The following PDE1C variants were observed in gnomAD, a reference collection of about 807,000 sequenced individuals.
PDE1C encodes the protein phosphodiesterase 1C.
A neutral mutation model predicts 93.1 loss-of-function variants in PDE1C; 62 were observed. The ratio of observed to expected loss-of-function variants is 0.67; its 90% CI spans 0.54 to 0.82. The LOEUF is 0.82. Ranked by LOEUF, PDE1C falls within the 40% of genes least tolerant of loss-of-function variation. The probability of loss-of-function intolerance (pLI) is 0.00; values close to 1 mark genes in which losing one functional copy is unlikely to be tolerated. For synonymous variants in PDE1C, 325 were observed against 310.1 expected, an observed-to-expected ratio of 1.05 and a Z score of -0.50; for missense variants, 742 against 884.6, an observed-to-expected ratio of 0.84 and a Z score of 2.04.
At position 31,903,945 on chromosome 7, in the gene PDE1C, T is replaced by C. The variant is rs75163121; in HGVS notation, c.129-23085A>G. ...TGAGATAAATATGATTGAGACATGATAGGAAGTGGTCATTTCTCTCATAAA... is the reference window on the plus strand; with the variant it reads ...TGAGATAAATATGATTGAGACATGACAGGAAGTGGTCATTTCTCTCATAAA... On this transcript the variant is annotated intron_variant, in intron 2 of 17. Coordinates refer to ENST00000396191, the MANE Select transcript of PDE1C (RefSeq NM_001191057.4). Among the ~76,000 whole-genome samples, 1,187 of 152,284 alleles carry C rather than the reference T, an allele frequency of 7.8e-3. 17 individuals carry two copies. The highest frequency in any genetic ancestry group is 0.027 in the African/African-American group (1,128 of 41,574).
chr7:31,695,546 C>G, the PDE1C span: 7 of 1,613,964 alleles, frequency 4.3e-6, no homozygotes, highest in South Asian at 7.7e-5. Context: ...ACAGGCCACC[C>G]TGAATGTTGA....
At chr7:31,926,589 T>G (rs952145742) in intron 2 of PDE1C, among the ~76,000 whole-genome samples, 1 of 152,158 alleles carries the variant, frequency 6.6e-6, no homozygotes, top group Admixed American at 6.5e-5. Flanking sequence ...CTGAGGTACC[T>G]GGCTTATCTC....
At chr7:32,128,186 T>TA (rs11371374) in intron 3 of PDE1C, among the ~76,000 whole-genome samples, 53,777 of 151,432 alleles carry the variant, frequency 0.36, 9,913 homozygotes, top group South Asian at 0.41. Flanking sequence ...ATTTAGTGCC[T>TA]ATTGTATGTA....
chr7:31,880,669 G>A, intron 3 of PDE1C, 78 bp downstream of exon 3: 1 of 808,022 alleles, frequency 1.2e-6, no homozygotes, highest in Non-Finnish European at 2.1e-6. Flanking sequence ...TTCCTGGCAT[G>A]GGGGACAATT....
chr7:32,262,817 A>T (rs980836751), intron 1 of PDE1C, among the ~76,000 whole-genome samples: 10 of 152,172 alleles, frequency 6.6e-5, no homozygotes, highest in Non-Finnish European at 1.5e-4. Flanking sequence ...ATTTTTAGAA[A>T]ATTAAGGCAG....
At chr7:31,749,958 G>A (rs796169687), downstream of PDE1C, among the ~76,000 whole-genome samples, 3 of 151,952 alleles carry the variant, frequency 2.0e-5, no homozygotes, top group African/African-American at 7.2e-5. Flanking sequence ...GGCTGGTCTC[G>A]AACTCCTGAC....
the PDE1C span, among the ~76,000 whole-genome samples, chr7:31,682,215 G>A: frequency 6.6e-6 from 1 of 152,118 alleles, no homozygotes; most frequent in Non-Finnish European, 1.5e-5. Context: ...AACCACTTAA[G>A]CACCAAACAT....
At chr7:32,009,076 A>G (rs1226809674) in intron 2 of PDE1C, among the ~76,000 whole-genome samples, 3 of 152,372 alleles carry the variant, frequency 2.0e-5, no homozygotes, top group Middle Eastern at 3.4e-3. Context: ...TTATCCTCCC[A>G]TAAGAAACAA....
chr7:31,763,964 T>C (rs1794985418), intron 17 of PDE1C, among the ~76,000 whole-genome samples: 1 of 148,798 alleles, frequency 6.7e-6, no homozygotes, highest in Admixed American at 6.7e-5. Flanking sequence ...TTTGTGAAAA[T>C]ATATATATTA....
At chr7:31,676,937 C>T in the PDE1C span, among the ~76,000 whole-genome samples, 4 of 152,172 alleles carry the variant, frequency 2.6e-5, no homozygotes, top group East Asian at 1.9e-4. Flanking sequence ...GCTGCCTATG[C>T]TCCCAGCATT....
chr7:32,237,330 G>A (rs560277075), intron 1 of PDE1C, among the ~76,000 whole-genome samples: 16 of 151,638 alleles, frequency 1.1e-4, no homozygotes, highest in South Asian at 2.1e-4. Context: ...CTCGTGATCC[G>A]CCCATCTCGG....
intron 2 of PDE1C, among the ~76,000 whole-genome samples, chr7:32,036,075 TACC>T (rs1791035179): frequency 6.6e-6 from 1 of 152,168 alleles, no homozygotes; most frequent in African/African-American, 2.4e-5. Flanking sequence ...GCCTCACAGG[TACC>T]ACACTTTTTC....
chr7:32,424,552 G>A (rs1353733346), intron 1 of PDE1C, among the ~76,000 whole-genome samples: 1 of 152,232 alleles, frequency 6.6e-6, no homozygotes, highest in African/African-American at 2.4e-5. Context: ...GGAGGCTGAG[G>A]CGGGTGGATC....
intron 1 of PDE1C, among the ~76,000 whole-genome samples, chr7:32,411,768 CTT>C (rs1189054811): frequency 6.6e-6 from 1 of 152,018 alleles, no homozygotes; most frequent in Non-Finnish European, 1.5e-5. Context: ...GTGTTTTTAA[CTT>C]TTTGACTCTT....
intron 1 of PDE1C, among the ~76,000 whole-genome samples, chr7:32,418,297 G>C (rs1785317556): frequency 6.6e-6 from 1 of 152,150 alleles, no homozygotes; most frequent in South Asian, 2.1e-4. Flanking sequence ...CTTAAGACCT[G>C]GGTTCAAGTA....
chr7:32,226,350 C>CA (rs1400685302), intron 1 of PDE1C, among the ~76,000 whole-genome samples: 2 of 152,070 alleles, frequency 1.3e-5, no homozygotes, highest in Non-Finnish European at 1.5e-5. Context: ...ATGAGGGCCT[C>CA]AAAGGGACTT....
intron 1 of PDE1C, among the ~76,000 whole-genome samples, chr7:32,316,344 A>C (rs1480177745): frequency 1.3e-5 from 2 of 152,216 alleles, no homozygotes; most frequent in East Asian, 3.8e-4. Context: ...TAGAATAAAC[A>C]AGAACGCACA....
At chr7:31,875,837 T>TATATATATA (rs1796518846) in intron 5 of PDE1C, among the ~76,000 whole-genome samples, 1 of 39,538 alleles carries the variant, frequency 2.5e-5, no homozygotes, top group Non-Finnish European at 5.6e-5. Context: ...ATATATATAA[T>TATATATATA]GGAAAAAGTA....
At chr7:31,622,605 G>T in the PDE1C span, among the ~76,000 whole-genome samples, 1 of 151,810 alleles carries the variant, frequency 6.6e-6, no homozygotes, top group East Asian at 1.9e-4. Flanking sequence ...CACATTCAAA[G>T]CACTGTGTAG....
Sources: gnomAD v4.1 joint callset for allele counts (sites outside exome capture counted in the v4.1 genomes callset) on GRCh38, gnomAD v4.1.1 for gene constraint, MANE v1.5 for transcripts, NCBI Gene and HGNC (gene_info 2026-07-23, HGNC 2026-07-21) for gene names.